Variants in DAB1 observed in about 807,000 individuals in gnomAD.
DAB1 encodes DAB adaptor protein 1, also known as disabled homolog 1.
Under a neutral mutation model 64.6 loss-of-function variants are expected in DAB1, and 15 were observed. That is an observed-to-expected ratio of 0.23 (90% CI 0.16 to 0.36). The LOEUF (loss-of-function observed/expected upper bound fraction) is 0.36. DAB1 is among the 10% of genes least tolerant of loss of function. The pLI is 1.00. For missense variants in DAB1, 596 were observed against 706.7 expected, an observed-to-expected ratio of 0.84 and a Z score of 1.78; for synonymous variants, 235 against 251.9, an observed-to-expected ratio of 0.93 and a Z score of 0.64.
chr1:58,057,253 A>C (rs1225757468), intron 5 of DAB1, among the ~76,000 whole-genome samples: 2 of 151,798 alleles, frequency 1.3e-5, no homozygotes, highest in Non-Finnish European at 2.9e-5. Context: ...TCTTCTTTTC[A>C]CCTTTATTCA....
intron 14 of DAB1, among the ~76,000 whole-genome samples, chr1:57,008,800 T>C (rs1646176056): frequency 1.3e-5 from 2 of 152,158 alleles, no homozygotes; most frequent in Non-Finnish European, 2.9e-5. Flanking sequence ...ATAAGCCCCT[T>C]CTAGCAGATG....
At chr1:58,300,602 AAGAAAGAAAGAGAG>A (rs1263932521) in intron 4 of DAB1, among the ~76,000 whole-genome samples, 45 of 39,308 alleles carry the variant, frequency 1.1e-3, no homozygotes, top group African/African-American at 2.1e-3. Flanking sequence ...GAAAGAAAGA[AAGAAAGAAAGAGAG>A]AGAGAGAGAG....
intron 3 of DAB1, among the ~76,000 whole-genome samples, chr1:58,497,535 A>AC (rs1191769667): frequency 6.6e-6 from 1 of 152,172 alleles, no homozygotes; most frequent in Non-Finnish European, 1.5e-5. Flanking sequence ...TGCCACCCCA[A>AC]ATATGCCTCT....
intron 5 of DAB1, among the ~76,000 whole-genome samples, chr1:58,150,150 A>G (rs1015028185): frequency 1.3e-5 from 2 of 152,166 alleles, no homozygotes; most frequent in African/African-American, 4.8e-5. Flanking sequence ...AACCTCAGAG[A>G]GGCTAATAAA....
At chr1:57,193,387 T>TG (rs1664325796) in intron 2 of DAB1, among the ~76,000 whole-genome samples, 1 of 131,956 alleles carries the variant, frequency 7.6e-6, no homozygotes, top group Non-Finnish European at 1.6e-5. Context: ...ATATGTTTTT[T>TG]TTTTTTTTTT....
intron 6 of DAB1, among the ~76,000 whole-genome samples, chr1:57,794,517 C>T (rs1363159576): frequency 6.6e-6 from 1 of 152,132 alleles, no homozygotes. Context: ...TCCTACAAGC[C>T]TCAGCCTTGG....
At chr1:58,229,633 A>C (rs1659681200) in intron 4 of DAB1, among the ~76,000 whole-genome samples, 1 of 152,198 alleles carries the variant, frequency 6.6e-6, no homozygotes, top group Non-Finnish European at 1.5e-5. Flanking sequence ...AGGAGGAATA[A>C]GAGAGTACCA....
intron 2 of DAB1, among the ~76,000 whole-genome samples, chr1:57,261,782 T>A (rs1670201388): frequency 6.6e-6 from 1 of 152,194 alleles, no homozygotes; most frequent in African/African-American, 2.4e-5. Context: ...ATGATAATCA[T>A]ACCATGTGCC....
At chr1:57,390,443 A>G (rs539735963) in intron 1 of DAB1, among the ~76,000 whole-genome samples, 1 of 152,330 alleles carries the variant, frequency 6.6e-6, no homozygotes, top group Admixed American at 6.5e-5. Context: ...TTCTATTCAG[A>G]CACCAAAATA....
chr1:58,445,951 A>G (rs1475010676), intron 3 of DAB1, among the ~76,000 whole-genome samples: 7 of 152,144 alleles, frequency 4.6e-5, no homozygotes, highest in Admixed American at 4.6e-4. Flanking sequence ...ATGGCACTCC[A>G]GGAGTCATGG....
intron 7 of DAB1, among the ~76,000 whole-genome samples, chr1:57,611,753 A>T (rs79314492): frequency 6.6e-6 from 1 of 152,178 alleles, no homozygotes; most frequent in East Asian, 1.9e-4. Context: ...AGCAGCCCCT[A>T]GCAGGCCTTG....
chr1:58,306,256 A>G (rs1662305369), intron 4 of DAB1, among the ~76,000 whole-genome samples: 1 of 152,188 alleles, frequency 6.6e-6, no homozygotes, highest in South Asian at 2.1e-4. Context: ...TTTGACAACA[A>G]TAGTTCAGTG....
chr1:58,161,871 T>G (rs1307567413), intron 4 of DAB1, among the ~76,000 whole-genome samples: 1 of 152,146 alleles, frequency 6.6e-6, no homozygotes, highest in Admixed American at 6.6e-5. Flanking sequence ...CATTTAAGGC[T>G]TTTAAGCTAG....
intron 7 of DAB1, among the ~76,000 whole-genome samples, chr1:57,492,640 C>G (rs948730624): frequency 2.0e-5 from 3 of 152,100 alleles, no homozygotes; most frequent in African/African-American, 7.2e-5. Flanking sequence ...AACTCTAGAG[C>G]CTAGGATAGT....
intron 6 of DAB1, among the ~76,000 whole-genome samples, chr1:57,695,578 G>T (rs1557428115): frequency 6.6e-6 from 1 of 152,146 alleles, no homozygotes; most frequent in Non-Finnish European, 1.5e-5. Flanking sequence ...GTTGCCTTGG[G>T]AGGTTGTGAA....
intron 3 of DAB1, among the ~76,000 whole-genome samples, chr1:58,472,138 T>C (rs187841515): frequency 1.3e-5 from 2 of 152,352 alleles, no homozygotes; most frequent in Admixed American, 1.3e-4. Flanking sequence ...TTAGGACTTC[T>C]GTTCACCTTC....
chr1:57,044,990 T>A lies in DAB1; in HGVS notation c.723+17894A>T, dbSNP rs187068052. On this transcript the variant is annotated intron_variant, in intron 9 of 14. Coordinates refer to ENST00000371236, the MANE Select transcript of DAB1 (RefSeq NM_001365792.1). ...CAAACGTGAGGTGCTGTTACTCGCC[T>A]TGTTTCCAAGAGGAGGAAACCAAGG... is the stretch of plus-strand genomic sequence containing the variant. 4.1e-4 allele frequency among the ~76,000 whole-genome samples: 62 copies of A among 152,344 alleles called. No homozygotes were observed. The East Asian group carries it at 0.011, about 27-fold the overall frequency.
chr1:57,371,442 T>C (rs1680488502), intron 1 of DAB1, among the ~76,000 whole-genome samples: 1 of 152,190 alleles, frequency 6.6e-6, no homozygotes, highest in East Asian at 1.9e-4. Context: ...CACTGGGATA[T>C]AAAAGAGTAA....
At chr1:58,131,308 T>G (rs1372061265) in intron 5 of DAB1, among the ~76,000 whole-genome samples, 4 of 140,502 alleles carry the variant, frequency 2.8e-5, no homozygotes, top group Non-Finnish European at 6.3e-5. Context: ...TTCAGCTCCA[T>G]CAGCTCCTTT....
Sources: gnomAD v4.1 joint callset for allele counts (sites outside exome capture counted in the v4.1 genomes callset) on GRCh38, gnomAD v4.1.1 for gene constraint, MANE v1.5 for transcripts, NCBI Gene and HGNC (gene_info 2026-07-23, HGNC 2026-07-21) for gene names.